CTNNA2: variants seen among roughly 807,000 people sequenced by gnomAD.
The protein encoded by CTNNA2 is catenin alpha 2, also known as catenin alpha-2.
In CTNNA2, 42 loss-of-function variants were observed where a neutral mutation model predicts 101.0. The ratio of observed to expected loss-of-function variants is 0.42; its 90% CI spans 0.32 to 0.54. The LOEUF is 0.54. CTNNA2 is among the 20% of genes least tolerant of loss of function. The pLI, the probability that CTNNA2 is intolerant of heterozygous loss-of-function variation, is 0.14. For missense variants in CTNNA2, 871 were observed against 1,223.1 expected, an observed-to-expected ratio of 0.71 and a Z score of 4.29; for synonymous variants, 450 against 456.4, an observed-to-expected ratio of 0.99 and a Z score of 0.18.
intron 11 of CTNNA2, among the ~76,000 whole-genome samples, chr2:80,553,381 G>A (rs981988623): frequency 6.6e-6 from 1 of 152,078 alleles, no homozygotes; most frequent in Non-Finnish European, 1.5e-5. Context: ...AGCCTGTGCT[G>A]GTTTATTTTA....
chr2:80,642,088 C>T (rs775896666), intron 18 of CTNNA2, among the ~76,000 whole-genome samples: 1 of 152,116 alleles, frequency 6.6e-6, no homozygotes, highest in Non-Finnish European at 1.5e-5. Flanking sequence ...CAAAGTTATA[C>T]TCAGCATTGT....
At position 79,828,728 on chromosome 2, in the gene CTNNA2, T is replaced by G. The variant is rs1324732103; in HGVS notation, c.299-29285T>G. 2.6e-5 allele frequency among the ~76,000 whole-genome samples: 4 copies of G among 152,188 alleles called. No individual in the cohort carries two copies. In the East Asian group the frequency reaches 7.7e-4, roughly 29 times the overall value. On this transcript the variant is annotated intron_variant, in intron 3 of 18. Transcript: ENST00000402739. ...TGAGAATTATCTGCCACATATTAGC[T>G]CTGGTTTTCAATGCATGCTTCTTCA...
At chr2:79,599,644 A>G (rs1677421521) in intron 1 of CTNNA2, among the ~76,000 whole-genome samples, 1 of 152,190 alleles carries the variant, frequency 6.6e-6, no homozygotes, top group Non-Finnish European at 1.5e-5. Context: ...TGTCAGAAAA[A>G]TGGGAATGAA....
intron 7 of CTNNA2, among the ~76,000 whole-genome samples, chr2:80,161,595 C>G (rs1704323192): frequency 6.6e-6 from 1 of 152,130 alleles, no homozygotes; most frequent in African/African-American, 2.4e-5. Flanking sequence ...TGTACACATT[C>G]TGGGCACTTT....
chr2:80,642,941 A>G (rs1372317745), intron 18 of CTNNA2, among the ~76,000 whole-genome samples: 1 of 152,178 alleles, frequency 6.6e-6, no homozygotes, highest in Non-Finnish European at 1.5e-5. Flanking sequence ...GGTATTAAGA[A>G]GAGTAGGAAT....
chr2:79,267,424 C>G (rs1010664860), intron 2 of CTNNA2, among the ~76,000 whole-genome samples: 1 of 152,160 alleles, frequency 6.6e-6, no homozygotes, highest in African/African-American at 2.4e-5. Context: ...TCTGGAGTCT[C>G]TTTTATAAGG....
intron 3 of CTNNA2, among the ~76,000 whole-genome samples, chr2:79,760,192 TAGAA>T (rs781524527): frequency 1.3e-5 from 2 of 152,136 alleles, no homozygotes; most frequent in South Asian, 2.1e-4. Context: ...GACTGATAGA[TAGAA>T]AGCATTATGT....
At chr2:80,066,223 C>T (rs1488814575) in intron 7 of CTNNA2, among the ~76,000 whole-genome samples, 1 of 152,164 alleles carries the variant, frequency 6.6e-6, no homozygotes, top group African/African-American at 2.4e-5. Context: ...TCTGGTTTTG[C>T]TTTTGTTGTC....
intron 9 of CTNNA2, among the ~76,000 whole-genome samples, chr2:80,523,388 C>A (rs183757665): frequency 6.6e-6 from 1 of 152,020 alleles, no homozygotes; most frequent in Non-Finnish European, 1.5e-5. Flanking sequence ...GAAGAAACTC[C>A]GTATGAATGA....
intron 3 of CTNNA2, among the ~76,000 whole-genome samples, chr2:79,795,286 G>A (rs1255420680): frequency 6.6e-6 from 1 of 151,952 alleles, no homozygotes; most frequent in East Asian, 1.9e-4. Flanking sequence ...TGTTATTAAA[G>A]ATTCTTACGT....
chr2:79,298,917 A>G (rs11892349), intron 2 of CTNNA2, among the ~76,000 whole-genome samples: 25,053 of 152,226 alleles, frequency 0.16, 3,437 homozygotes, highest in African/African-American at 0.38. Flanking sequence ...TGATTAGAGA[A>G]GACACTGAGC....
chr2:79,835,666 G>GTTTTTTTTTTTTTT lies in CTNNA2; in HGVS notation c.299-22323_299-22310dup, dbSNP rs70940048. Among the ~76,000 whole-genome samples, 16 of 58,634 alleles carry GTTTTTTTTTTTTTT rather than the reference G, an allele frequency of 2.7e-4. 3 individuals carry two copies. Among genetic ancestry groups the GTTTTTTTTTTTTTT allele is most frequent in the African/African-American group, 8.0e-4 (11 of 13,696 alleles). 38.5% of individuals were successfully genotyped at this position (58,634 alleles called of 152,430 possible). The stretch of plus-strand genomic sequence containing the variant: ...CTGTGCTGCAGAATGGCCTCTCTTT[G>GTTTTTTTTTTTTTT]TTTTTTTTTTTTTTTTTTTTTTTTT... On this transcript the variant is annotated intron_variant, in intron 3 of 18. Transcript: ENST00000402739.
intron 7 of CTNNA2, among the ~76,000 whole-genome samples, chr2:79,946,946 G>C (rs10496235): frequency 0.18 from 28,078 of 152,144 alleles, 3,031 homozygotes; most frequent in East Asian, 0.27. Flanking sequence ...GTTATGTTCT[G>C]CTGATCCAAA....
chr2:80,020,050 C>A (rs1694445333), intron 7 of CTNNA2, among the ~76,000 whole-genome samples: 1 of 152,144 alleles, frequency 6.6e-6, no homozygotes, highest in Non-Finnish European at 1.5e-5. Flanking sequence ...CACTGCTCTC[C>A]ATGCTAGAAA....
rs187928531 is a variant in CTNNA2 at position 79,669,492 on chromosome 2, G to C, written c.102+17834G>C. Among the ~76,000 whole-genome samples the C allele has an allele frequency of 7.8e-4, 119 of 152,268 alleles. 1 individual carries two copies. The highest frequency in any genetic ancestry group is 3.3e-3 in the East Asian group (17 of 5,150). On this transcript the variant is annotated intron_variant, in intron 2 of 18. Coordinates refer to ENST00000402739, the MANE Select transcript of CTNNA2 (RefSeq NM_001282597.3). Reference sequence around the variant, plus strand: ...GAATGAGGTGCGCAGACAATTGAAGGGTGAAGAAGAGGTTTATTTAGTGTT... The same window carrying C: ...GAATGAGGTGCGCAGACAATTGAAGCGTGAAGAAGAGGTTTATTTAGTGTT...
At chr2:80,517,996 G>A (rs1291586694) in intron 9 of CTNNA2, among the ~76,000 whole-genome samples, 5 of 152,144 alleles carry the variant, frequency 3.3e-5, no homozygotes. Context: ...AACACCTTCA[G>A]GTGACGGGCA....
At chr2:80,095,895 T>C (rs1700114462) in intron 7 of CTNNA2, among the ~76,000 whole-genome samples, 1 of 152,174 alleles carries the variant, frequency 6.6e-6, no homozygotes, top group Admixed American at 6.5e-5. Context: ...CTTCTCTCTT[T>C]TCTTCTTTAT....
intron 3 of CTNNA2, among the ~76,000 whole-genome samples, chr2:79,823,214 G>C (rs1325766224): frequency 6.6e-6 from 1 of 152,150 alleles, no homozygotes; most frequent in African/African-American, 2.4e-5. Flanking sequence ...GAAGACCTAA[G>C]CCATATCTGC....
intron 1 of CTNNA2, among the ~76,000 whole-genome samples, chr2:79,636,618 T>C (rs1321324976): frequency 6.6e-6 from 1 of 152,170 alleles, no homozygotes; most frequent in African/African-American, 2.4e-5. Flanking sequence ...GATTTACTTA[T>C]TGATTTTTAT....
Sources: allele counts gnomAD v4.1 joint callset (sites outside exome capture counted in the v4.1 genomes callset), GRCh38; gene constraint gnomAD v4.1.1; transcripts MANE v1.5; gene names NCBI Gene and HGNC (gene_info 2026-07-23, HGNC 2026-07-21).